TDRD3: variants seen among roughly 807,000 people sequenced by gnomAD.
TDRD3 encodes the protein tudor domain-containing protein 3.
In TDRD3, 45 loss-of-function variants were observed where a neutral mutation model predicts 86.7. The observed-to-expected ratio is 0.52, with a 90% CI of 0.41 to 0.67. The LOEUF (loss-of-function observed/expected upper bound fraction) is 0.67. TDRD3 is among the 30% of genes least tolerant of loss of function. The pLI is 0.00. For synonymous variants in TDRD3, 298 were observed against 301.7 expected (o/e 0.99, Z 0.13); for missense variants, 814 against 889.0 (o/e 0.92, Z 1.07).
rs746897442 is a variant in TDRD3, at chr13:60,467,343, A to G, written c.459A>G (p.Glu153=). 6.2e-7 allele frequency: 1 copy of G among 1,613,938 alleles called. No individual in the cohort carries two copies. Among genetic ancestry groups the G allele is most frequent in the East Asian group, 2.2e-5 (1 of 44,874 alleles). The part of the protein sequence containing the change: ...NDSNTTVLGG[E]VEHLIEKWEL... ...CTAACACCACAGTTCTTGGTGGTGA[A>G]GTGGAACACCTTATTGAGAAATGGG... is the stretch of plus-strand genomic sequence containing the variant. The change falls in exon 5 of 14, where the codon GAA becomes GAG. Residue 153 remains glutamate, a synonymous_variant. Transcript: ENST00000377881.
rs118152906 is a variant in TDRD3, at chr13:60,573,711, G to C, written c.*105G>C. On this transcript the variant is annotated 3_prime_UTR_variant, in exon 14 of 14. Coordinates refer to ENST00000377881, the MANE Select transcript of TDRD3 (RefSeq NM_001146070.2). ...CTCTTCAGAATAAGTAGCTGTGGTG[G>C]ATATTATTATTTGAAGAAAGAAAAA... 1 of 931,090 alleles carries C rather than the reference G, an allele frequency of 1.1e-6. No individual in the cohort carries two copies. The allele number at this position is 931,090 out of a possible 1,614,324, so 57.7% of individuals were successfully genotyped here.
intron 1 of TDRD3, among the ~76,000 whole-genome samples, chr13:60,414,452 G>T (rs1046122871): frequency 2.0e-5 from 3 of 151,992 alleles, no homozygotes; most frequent in African/African-American, 7.2e-5. Context: ...TTTACTATCT[G>T]GTTCTTTACA....
intron 10 of TDRD3, among the ~76,000 whole-genome samples, chr13:60,525,305 C>T (rs993739988): frequency 7.4e-5 from 11 of 148,722 alleles, no homozygotes; most frequent in African/African-American, 2.7e-4. Flanking sequence ...TCCCGAGTAG[C>T]TGGGATTACA....
At chr13:60,408,098 C>T (rs1954276861) in intron 1 of TDRD3, among the ~76,000 whole-genome samples, 1 of 151,586 alleles carries the variant, frequency 6.6e-6, no homozygotes, top group African/African-American at 2.4e-5. Context: ...ACTGTAAGCC[C>T]AAATAAGTCT....
chr13:60,535,091 T>A lies in TDRD3; in HGVS notation c.1993-17T>A, dbSNP rs752661681. ...CAATACCAGTTGTCATATTTAAAAC[T>A]CCTTTTGCCTCCTCAGTTTTACCGG... On this transcript the variant is annotated splice_polypyrimidine_tract_variant and intron_variant, in intron 11 of 13. Transcript: ENST00000377881. The A allele has an allele frequency of 6.2e-7, 1 of 1,612,324 alleles. No individual in the cohort carries two copies. The highest frequency in any genetic ancestry group is 8.5e-7 in the Non-Finnish European group (1 of 1,179,384).
chr13:60,489,816 A>C (rs997497620), intron 7 of TDRD3, among the ~76,000 whole-genome samples: 9 of 152,164 alleles, frequency 5.9e-5, no homozygotes, highest in Non-Finnish European at 1.2e-4. Flanking sequence ...CCAGAAATAC[A>C]TAAAATTATG....
chr13:60,456,431 G>C (rs73208064), intron 3 of TDRD3, among the ~76,000 whole-genome samples: 1 of 152,082 alleles, frequency 6.6e-6, no homozygotes, highest in Non-Finnish European at 1.5e-5. Flanking sequence ...AATATTGTTT[G>C]TTAGAGTTAG....
intron 10 of TDRD3, among the ~76,000 whole-genome samples, chr13:60,521,172 G>A (rs920090422): frequency 2.0e-5 from 3 of 152,178 alleles, no homozygotes; most frequent in African/African-American, 7.2e-5. Flanking sequence ...GTGCTTTGCT[G>A]CAAACTTCTC....
intron 5 of TDRD3, among the ~76,000 whole-genome samples, chr13:60,469,645 G>A (rs558338518): frequency 6.6e-6 from 1 of 152,138 alleles, no homozygotes; most frequent in Non-Finnish European, 1.5e-5. Flanking sequence ...GGTAGCCACA[G>A]CAATGTAGGA....
At chr13:60,435,435 T>C (rs977204916) in intron 1 of TDRD3, among the ~76,000 whole-genome samples, 6 of 152,120 alleles carry the variant, frequency 3.9e-5, no homozygotes, top group Non-Finnish European at 8.8e-5. Flanking sequence ...CCTACCCCAG[T>C]AGAGTCCCCA....
chr13:60,536,449 G>C (rs2137821917), intron 12 of TDRD3: 1 of 151,872 alleles, frequency 6.6e-6, no homozygotes, highest in East Asian at 1.9e-4. Context: ...GGAGAAATTT[G>C]GTGTAACCAT....
intron 13 of TDRD3, among the ~76,000 whole-genome samples, chr13:60,571,029 T>A (rs1253967318): frequency 3.3e-5 from 5 of 152,136 alleles, no homozygotes; most frequent in African/African-American, 1.2e-4. Context: ...ACAAAATGCT[T>A]GCTTTGGATT....
intron 1 of TDRD3, among the ~76,000 whole-genome samples, chr13:60,425,936 A>G (rs1207644983): frequency 6.6e-6 from 1 of 152,202 alleles, no homozygotes; most frequent in Non-Finnish European, 1.5e-5. Context: ...TTAATTGACT[A>G]TGTTATTGGT....
At chr13:60,518,361 T>A (rs148881083) in intron 10 of TDRD3, among the ~76,000 whole-genome samples, 45 of 152,342 alleles carry the variant, frequency 3.0e-4, no homozygotes, top group African/African-American at 1.1e-3. Flanking sequence ...AGGGACACAC[T>A]GTCCTCACTG....
chr13:60,519,958 T>C (rs1336176632), intron 10 of TDRD3, among the ~76,000 whole-genome samples: 1 of 152,204 alleles, frequency 6.6e-6, no homozygotes, highest in Non-Finnish European at 1.5e-5. Context: ...TTGGTGTGTG[T>C]GGCACTTTTT....
chr13:60,522,417 A>G (rs1957308393), intron 10 of TDRD3, among the ~76,000 whole-genome samples: 1 of 152,206 alleles, frequency 6.6e-6, no homozygotes, highest in Admixed American at 6.5e-5. Context: ...GTCATCAATT[A>G]AGTTTATTTG....
chr13:60,455,303 G>T (rs1322993776), intron 3 of TDRD3, among the ~76,000 whole-genome samples: 1 of 152,184 alleles, frequency 6.6e-6, no homozygotes, highest in South Asian at 2.1e-4. Flanking sequence ...CGTCATAAGT[G>T]CTATTTAAAG....
intron 8 of TDRD3, among the ~76,000 whole-genome samples, chr13:60,496,729 C>T (rs886705522): frequency 1.3e-5 from 2 of 152,116 alleles, no homozygotes; most frequent in African/African-American, 2.4e-5. Context: ...AAATGATGAA[C>T]TCAGGCATCC....
intron 1 of TDRD3, among the ~76,000 whole-genome samples, chr13:60,406,655 A>G (rs1954241984): frequency 6.6e-6 from 1 of 152,184 alleles, no homozygotes; most frequent in East Asian, 1.9e-4. Flanking sequence ...AGAATGCATT[A>G]TAAAGTCATT....
Sources: gnomAD v4.1 joint callset for allele counts (sites outside exome capture counted in the v4.1 genomes callset) on GRCh38, gnomAD v4.1.1 for gene constraint, MANE v1.5 for transcripts, NCBI Gene and HGNC (gene_info 2026-07-23, HGNC 2026-07-21) for gene names.